SCARA3: variants seen among roughly 807,000 people sequenced by gnomAD.
The protein encoded by SCARA3 is cellular stress response gene protein.
SCARA3 carries 39 observed loss-of-function variants against 47.0 expected under a neutral mutation model. That is an observed-to-expected ratio of 0.83 (90% CI 0.64 to 1.08). The LOEUF is 1.08. Among genes scored for constraint, SCARA3 ranks in the 50% least tolerant of loss-of-function variants. SCARA3 has a pLI of 0.00. For synonymous variants in SCARA3, 356 were observed against 334.1 expected (o/e 1.07, Z -0.71); for missense variants, 724 against 792.3 (o/e 0.91, Z 1.04).
At chr8:27,635,351 G>A (rs995038147) in intron 1 of SCARA3, among the ~76,000 whole-genome samples, 1 of 152,114 alleles carries the variant, frequency 6.6e-6, no homozygotes, top group African/African-American at 2.4e-5. Flanking sequence ...AGCAGGTAGG[G>A]CTGGCTTCAT....
chr8:27,648,582 C>G (rs996309537), intron 1 of SCARA3, among the ~76,000 whole-genome samples: 1 of 150,914 alleles, frequency 6.6e-6, no homozygotes, highest in African/African-American at 2.4e-5. Flanking sequence ...CCAGCCTGGG[C>G]GACACAGTGA....
intron 1 of SCARA3, among the ~76,000 whole-genome samples, chr8:27,638,828 G>A (rs1314173821): frequency 6.6e-6 from 1 of 152,206 alleles, no homozygotes; most frequent in Non-Finnish European, 1.5e-5. Flanking sequence ...GGAGTTCCCA[G>A]CGAGAGAGTT....
chr8:27,662,771 A>G (rs516204), intron 5 of SCARA3, among the ~76,000 whole-genome samples: 144,566 of 152,246 alleles, frequency 0.95, 69,084 homozygotes, highest in Middle Eastern at 1. Flanking sequence ...GCCTTGGTGA[A>G]TGGGAAGTCC....
the SCARA3 span, among the ~76,000 whole-genome samples, chr8:27,699,496 T>A: frequency 6.6e-6 from 1 of 152,092 alleles, no homozygotes; most frequent in Non-Finnish European, 1.5e-5. Context: ...TAAGCCACTG[T>A]GCCAGGCCTC....
chr8:27,664,480 C>T (rs1801975346), intron 5 of SCARA3, among the ~76,000 whole-genome samples: 1 of 152,152 alleles, frequency 6.6e-6, no homozygotes, highest in Admixed American at 6.5e-5. Context: ...AAAATCCTGA[C>T]CCCTCTCCAA....
chr8:27,672,023 C>T lies in SCARA3; in HGVS notation c.*672C>T, dbSNP rs1802178284. 1 of 985,194 alleles carries T rather than the reference C, an allele frequency of 1.0e-6. No homozygotes were observed. Among genetic ancestry groups the T allele is most frequent in the Non-Finnish European group, 1.2e-6 (1 of 829,928 alleles). The allele number at this position is 985,194 out of a possible 1,614,324, so 61.0% of individuals were successfully genotyped here. ...CCAGGGCTCCCTGGGGTTGAAAAGC[C>T]CCAAGGAAACCTTTGCGGGTGGGGC... is the stretch of plus-strand genomic sequence containing the variant. On this transcript the variant is annotated 3_prime_UTR_variant, in exon 6 of 6. Transcript: ENST00000301904.
chr8:27,683,035 A>C, the SCARA3 span, among the ~76,000 whole-genome samples: 4 of 152,176 alleles, frequency 2.6e-5, no homozygotes, highest in East Asian at 1.9e-4. Context: ...AACAAAAAAA[A>C]CACACAAAAA....
chr8:27,686,076 A>G, the SCARA3 span, among the ~76,000 whole-genome samples: 3 of 152,228 alleles, frequency 2.0e-5, no homozygotes, highest in African/African-American at 7.2e-5. Context: ...AAACAAAGCA[A>G]ATTATAAATA....
At chr8:27,718,335 A>G in the SCARA3 span, among the ~76,000 whole-genome samples, 2 of 152,284 alleles carry the variant, frequency 1.3e-5, no homozygotes, top group African/African-American at 4.8e-5. Flanking sequence ...TGCTCAGGCA[A>G]AGCCTGAAAT....
At chr8:27,637,916 G>A (rs1038782836) in intron 1 of SCARA3, among the ~76,000 whole-genome samples, 1 of 152,040 alleles carries the variant, frequency 6.6e-6, no homozygotes, top group Non-Finnish European at 1.5e-5. Flanking sequence ...CCAGGGGCAC[G>A]GGAAGGAGCC....
At chr8:27,643,280 GA>G (rs1801421804) in intron 1 of SCARA3, among the ~76,000 whole-genome samples, 1 of 152,214 alleles carries the variant, frequency 6.6e-6, no homozygotes, top group South Asian at 2.1e-4. Context: ...AACAGGGTGG[GA>G]GGCAGCCAAA....
chr8:27,639,586 T>G (rs1012209411), intron 1 of SCARA3, among the ~76,000 whole-genome samples: 2 of 152,050 alleles, frequency 1.3e-5, no homozygotes, highest in African/African-American at 4.8e-5. Flanking sequence ...GAGTGCTCCA[T>G]AAAGGACACG....
chr8:27,649,836 G>A (rs746116869), intron 2 of SCARA3, 36 bp downstream of exon 2: 1 of 1,549,238 alleles, frequency 6.5e-7, no homozygotes, highest in African/African-American at 1.4e-5. Flanking sequence ...TCTCCGCTCT[G>A]GGCTGAGAGA....
chr8:27,666,317 A>T (rs976762760), intron 5 of SCARA3, among the ~76,000 whole-genome samples: 2 of 152,198 alleles, frequency 1.3e-5, no homozygotes, highest in Admixed American at 6.5e-5. Flanking sequence ...GCTGACTTCA[A>T]TGAGTCTTCT....
At chr8:27,660,654 A>AGATAGATCGATC (rs60638219) in intron 5 of SCARA3, among the ~76,000 whole-genome samples, 25 of 149,804 alleles carry the variant, frequency 1.7e-4, no homozygotes, top group Admixed American at 1.5e-3. Context: ...ATAGATAGAT[A>AGATAGATCGATC]GATCTAGAGA....
At chr8:27,677,169 T>C (rs983386392), downstream of SCARA3, among the ~76,000 whole-genome samples, 1 of 152,220 alleles carries the variant, frequency 6.6e-6, no homozygotes, top group South Asian at 2.1e-4. Context: ...TTCCCCATAC[T>C]GCACTACCTA....
At chr8:27,670,088 C>G (rs966820423) in intron 5 of SCARA3, among the ~76,000 whole-genome samples, 1 of 152,192 alleles carries the variant, frequency 6.6e-6, no homozygotes, top group African/African-American at 2.4e-5. Flanking sequence ...GTATCTTCAT[C>G]TTGGCAACTC....
chr8:27,640,439 G>A (rs1261126089), intron 1 of SCARA3, among the ~76,000 whole-genome samples: 1 of 152,062 alleles, frequency 6.6e-6, no homozygotes, highest in Non-Finnish European at 1.5e-5. Context: ...AGGCTGGAGT[G>A]CAGTGGTACC....
Position 27,672,852 on chromosome 8 carries a change from C to T in SCARA3, c.*1501C>T. 1 of 985,636 alleles carries T rather than the reference C, an allele frequency of 1.0e-6. No individual in the cohort carries two copies. The highest frequency in any genetic ancestry group is 1.2e-6 in the Non-Finnish European group (1 of 830,088). The allele number at this position is 985,636 out of a possible 1,614,324, so 61.1% of individuals were successfully genotyped here. On this transcript the variant is annotated 3_prime_UTR_variant, in exon 6 of 6. Transcript: ENST00000301904. ...GAGTTGTCTCCTTCCCAACACGGAC[C>T]CAGAGAGCAGCCCTTCCCTGCTCAA...
Sources: gnomAD v4.1 joint callset for allele counts (sites outside exome capture counted in the v4.1 genomes callset) on GRCh38, gnomAD v4.1.1 for gene constraint, MANE v1.5 for transcripts, NCBI Gene and HGNC (gene_info 2026-07-23, HGNC 2026-07-21) for gene names.